KCNQ1: variants seen among roughly 807,000 people sequenced by gnomAD.
KCNQ1 encodes the protein potassium voltage-gated channel subfamily KQT member 1.
Under a neutral mutation model 72.4 loss-of-function variants are expected in KCNQ1, and 49 were observed. The ratio of observed to expected loss-of-function variants is 0.68; its 90% CI spans 0.54 to 0.86. KCNQ1 has a LOEUF of 0.86. Ranked by LOEUF, KCNQ1 falls within the 40% of genes least tolerant of loss-of-function variation. The pLI is 0.00. For synonymous variants in KCNQ1, 450 were observed against 412.6 expected (o/e 1.09, Z -1.10); for missense variants, 790 against 945.1 (o/e 0.84, Z 2.15).
At chr11:2,476,231 TC>T (rs1378363139) in intron 1 of KCNQ1, among the ~76,000 whole-genome samples, 2 of 152,192 alleles carry the variant, frequency 1.3e-5, no homozygotes, top group Admixed American at 1.3e-4. Flanking sequence ...TTCAAGACAT[TC>T]TAAAATTAAG....
chr11:2,655,854 A>G lies in KCNQ1; in HGVS notation c.1394-6107A>G, dbSNP rs1179535736. ...ACAATAACCTCTCCTCTTGAATTGG[A>G]AAAACAAATCTGTGGAGGCCTTCTC... is the stretch of plus-strand genomic sequence containing the variant. On this transcript the variant is annotated intron_variant, in intron 10 of 15. Transcript: ENST00000155840. 3.0e-5 allele frequency: 12 copies of G among 398,660 alleles called. No individual in the cohort carries two copies. In the East Asian group the frequency reaches 4.3e-4, roughly 14 times the overall value. 24.7% of individuals were successfully genotyped at this position (398,660 alleles called of 1,614,324 possible).
rs376549341 is a variant in KCNQ1, at chr11:2,602,874, A to G, written c.1393+14020A>G. 1.3e-5 allele frequency among the ~76,000 whole-genome samples: 2 copies of G among 152,210 alleles called. No individual in the cohort carries two copies. On this transcript the variant is annotated intron_variant, in intron 10 of 15. Transcript: ENST00000155840. This position sits in a 1 kb window ranked among gnomAD's most constrained non-coding sequence, Gnocchi z 4.8. ...TTTATTCATTGTAGCTTTCATTGTC[A>G]TCATCTCAACAGGGTACTTTACAGA... is the stretch of plus-strand genomic sequence containing the variant.
At chr11:2,688,068 G>A (rs1158336928) in intron 11 of KCNQ1, 2 of 398,838 alleles carry the variant, frequency 5.0e-6, no homozygotes, top group African/African-American at 4.1e-5. Context: ...TGGAGTTGGT[G>A]CTTCTAGGGC....
Position 2,767,629 on chromosome 11 carries a change from G to T in KCNQ1, c.1515-1215G>T, listed in dbSNP as rs1378415792. ...TTACTCCAGTAGGGGATTGAGAGAG[G>T]TGGGGTTAATGTGATGGAAAGTTGG... On this transcript the variant is annotated intron_variant, in intron 11 of 15. Transcript: ENST00000155840. The surrounding 1 kb of genome is among the most constrained non-coding windows in gnomAD (Gnocchi z 4.6). Among the ~76,000 whole-genome samples the T allele has an allele frequency of 2.6e-5, 4 of 152,340 alleles. No individual in the cohort carries two copies. The highest frequency in any genetic ancestry group is 3.4e-3 in the Middle Eastern group (1 of 294).
In KCNQ1 at chr11:2,488,419, G is replaced by A. The variant is rs1318365316; in HGVS notation, c.387-39509G>A. ...CCTCTTTAATTTTTTGGGAAAGATT[G>A]AGAAGGATGGGAGTTTATTCTTTAA... On this transcript the variant is annotated intron_variant, in intron 1 of 15. Transcript: ENST00000155840. This position sits in a 1 kb window ranked among gnomAD's most constrained non-coding sequence, Gnocchi z 5.1. Among the ~76,000 whole-genome samples, 1 of 152,172 alleles carries A rather than the reference G, an allele frequency of 6.6e-6. No individual in the cohort carries two copies. The highest frequency in any genetic ancestry group is 1.5e-5 in the Non-Finnish European group (1 of 68,008).
rs919851230 is a variant in KCNQ1, at chr11:2,451,770, C to G, written c.386+6286C>G. 6.6e-6 allele frequency among the ~76,000 whole-genome samples: 1 copy of G among 152,134 alleles called. No homozygotes were observed. The highest frequency in any genetic ancestry group is 2.4e-5 in the African/African-American group (1 of 41,420). ...GGGCTCTGCTCCCCATTTCGCTCCTCCACTCACAGATGAGGACATTTGGGT... is the reference window on the plus strand; with the variant it reads ...GGGCTCTGCTCCCCATTTCGCTCCTGCACTCACAGATGAGGACATTTGGGT... On this transcript the variant is annotated intron_variant, in intron 1 of 15. Transcript: ENST00000155840. The surrounding 1 kb of genome is among the most constrained non-coding windows in gnomAD (Gnocchi z 6.4).
At position 2,468,168 on chromosome 11, in the gene KCNQ1, C is replaced by G. The variant is rs1437796029; in HGVS notation, c.386+22684C>G. Among the ~76,000 whole-genome samples the G allele has an allele frequency of 6.6e-6, 1 of 152,334 alleles. No individual in the cohort carries two copies. Among genetic ancestry groups the G allele is most frequent in the South Asian group, 2.1e-4 (1 of 4,826 alleles). Reference sequence around the variant, plus strand: ...GAAGTTTATTTTTTATTTTTCGAGACAGGGTCTCCCTCTGTCACTTAGGCT... The same window carrying G: ...GAAGTTTATTTTTTATTTTTCGAGAGAGGGTCTCCCTCTGTCACTTAGGCT... On this transcript the variant is annotated intron_variant, in intron 1 of 15. Transcript: ENST00000155840. The surrounding 1 kb of genome is among the most constrained non-coding windows in gnomAD (Gnocchi z 5.7).
rs7928116 is a variant in KCNQ1 at position 2,491,095 on chromosome 11, C to T, written c.387-36833C>T. 0.22 allele frequency among the ~76,000 whole-genome samples: 32,908 copies of T among 152,096 alleles called. 4,447 individuals are homozygous for T. The highest frequency in any genetic ancestry group is 0.38 in the African/African-American group (15,845 of 41,454). ...TGCAGATACGGCTTAGATCACAACACCCAAGTCCCTTTGAATACCTGGAAA... is the reference window on the plus strand; with the variant it reads ...TGCAGATACGGCTTAGATCACAACATCCAAGTCCCTTTGAATACCTGGAAA... On this transcript the variant is annotated intron_variant, in intron 1 of 15. Coordinates refer to ENST00000155840, the MANE Select transcript of KCNQ1 (RefSeq NM_000218.3). The surrounding 1 kb of genome is among the most constrained non-coding windows in gnomAD (Gnocchi z 4.1).
At chr11:2,845,524 C>A (rs564300614) in intron 15 of KCNQ1, among the ~76,000 whole-genome samples, 207 of 152,322 alleles carry the variant, frequency 1.4e-3, no homozygotes, top group Middle Eastern at 3.4e-3. Context: ...CCACAGAAGT[C>A]CTGCACCCCT....
rs60011808 is a variant in KCNQ1, at chr11:2,763,402, G to GAA, written c.1515-5430_1515-5429dup. 5.3e-3 allele frequency among the ~76,000 whole-genome samples: 748 copies of GAA among 141,232 alleles called. 1 individual carries two copies. Among genetic ancestry groups the GAA allele is most frequent in the Admixed American group, 0.015 (219 of 14,244 alleles). The allele number at this position is 141,232 out of a possible 152,430, so 92.7% of individuals were successfully genotyped here. A position where few individuals can be genotyped will look rare whatever the true frequency, so the allele number is the denominator to read the frequency against. On this transcript the variant is annotated intron_variant, in intron 11 of 15. Transcript: ENST00000155840. ...AAAATAACAAGACCCCATCTTAGAA[G>GAA]AAAAAAAAAAAAATAAGAAAGAAAG...
At chr11:2,718,099 C>T (rs376398434) in intron 11 of KCNQ1, among the ~76,000 whole-genome samples, 1 of 151,198 alleles carries the variant, frequency 6.6e-6, no homozygotes, top group Non-Finnish European at 1.5e-5. Context: ...CGGGTTGACA[C>T]CCGCGTGCCC....
At chr11:2,461,375 C>G (rs1002575825) in intron 1 of KCNQ1, 72 of 1,222,136 alleles carry the variant, frequency 5.9e-5, no homozygotes, top group Non-Finnish European at 7.2e-5. Context: ...GGGAAGGGAA[C>G]CTTGAGTGTG....
rs1848999388 is a variant in KCNQ1 at position 2,612,612 on chromosome 11, G to T, written c.1393+23758G>T. The T allele has an allele frequency of 5.0e-6, 2 of 398,252 alleles. No homozygotes were observed. The highest frequency in any genetic ancestry group is 8.8e-5 in the Admixed American group (2 of 22,696). 24.7% of individuals were successfully genotyped at this position (398,252 alleles called of 1,614,324 possible). ...GGTTTCTAATTTCTATCTCTATATT[G>T]ATATTATCTATTTGATGAGTCTTTG... On this transcript the variant is annotated intron_variant, in intron 10 of 15. Coordinates refer to ENST00000155840, the MANE Select transcript of KCNQ1 (RefSeq NM_000218.3). This position sits in a 1 kb window ranked among gnomAD's most constrained non-coding sequence, Gnocchi z 5.5.
chr11:2,838,240 C>CG (rs1848122263), intron 15 of KCNQ1, among the ~76,000 whole-genome samples: 1 of 152,304 alleles, frequency 6.6e-6, no homozygotes, highest in South Asian at 2.1e-4. Flanking sequence ...CTGGCAGGGT[C>CG]GGGGGACAGG....
Position 2,621,676 on chromosome 11 carries a change from G to A in KCNQ1, c.1393+32822G>A, listed in dbSNP as rs1279098811. On this transcript the variant is annotated intron_variant, in intron 10 of 15. Transcript: ENST00000155840. The surrounding 1 kb of genome is among the most constrained non-coding windows in gnomAD (Gnocchi z 5.7). ...TTATCCAATTTGTTGGGATATAATTGTTCATAAAAGTCCCTTATGATCCTT... is the reference window on the plus strand; with the variant it reads ...TTATCCAATTTGTTGGGATATAATTATTCATAAAAGTCCCTTATGATCCTT... The A allele has an allele frequency of 2.5e-6, 1 of 398,310 alleles. No homozygotes were observed. The highest frequency in any genetic ancestry group is 4.4e-6 in the Non-Finnish European group (1 of 225,978). The allele number at this position is 398,310 out of a possible 1,614,324, so 24.7% of individuals were successfully genotyped here.
chr11:2,473,912 G>A lies in KCNQ1; in HGVS notation c.386+28428G>A, dbSNP rs1413944838. 6.6e-6 allele frequency among the ~76,000 whole-genome samples: 1 copy of A among 152,240 alleles called. No individual in the cohort carries two copies. The highest frequency in any genetic ancestry group is 2.4e-5 in the African/African-American group (1 of 41,472). On this transcript the variant is annotated intron_variant, in intron 1 of 15. Coordinates refer to ENST00000155840, the MANE Select transcript of KCNQ1 (RefSeq NM_000218.3). This position sits in a 1 kb window ranked among gnomAD's most constrained non-coding sequence, Gnocchi z 6.0. ...TGGGAGAGCCCTGCCTCCCGGAACG[G>A]ACATCCTCCTTCACCAAATCCGCAA...
chr11:2,669,820 C>A lies in KCNQ1; in HGVS notation c.1514+7739C>A. The A allele has an allele frequency of 2.5e-6, 1 of 398,604 alleles. No individual in the cohort carries two copies. The allele number at this position is 398,604 out of a possible 1,614,324, so 24.7% of individuals were successfully genotyped here. On this transcript the variant is annotated intron_variant, in intron 11 of 15. Transcript: ENST00000155840. This position sits in a 1 kb window ranked among gnomAD's most constrained non-coding sequence, Gnocchi z 5.6. Reference sequence around the variant, plus strand: ...TTTGGCCTGAGAGCTTTTGAGACTGCCAGGTCATGAGTTACCATGGGATAC... The same window carrying A: ...TTTGGCCTGAGAGCTTTTGAGACTGACAGGTCATGAGTTACCATGGGATAC...
Position 2,658,961 on chromosome 11 carries a change from TAACCATAGA to T in KCNQ1, c.1394-2999_1394-2991del. 7.5e-6 allele frequency: 3 copies of T among 398,598 alleles called. No individual in the cohort carries two copies. The highest frequency in any genetic ancestry group is 1.3e-5 in the Non-Finnish European group (3 of 226,040). The allele number at this position is 398,598 out of a possible 1,614,324, so 24.7% of individuals were successfully genotyped here. Reference sequence around the variant, plus strand: ...GAGTGTTTAGGACAGACTTTTGCTTTAACCATAGAGTGTCCAGTCAAAACAGTGTTTTTG... The same window carrying T: ...GAGTGTTTAGGACAGACTTTTGCTTTGTGTCCAGTCAAAACAGTGTTTTTG... On this transcript the variant is annotated intron_variant, in intron 10 of 15. Coordinates refer to ENST00000155840, the MANE Select transcript of KCNQ1 (RefSeq NM_000218.3). The surrounding 1 kb of genome is among the most constrained non-coding windows in gnomAD (Gnocchi z 4.9).
rs1847967082 is a variant in KCNQ1 at position 2,550,463 on chromosome 11, G to T, written c.478-20165G>T. On this transcript the variant is annotated intron_variant, in intron 2 of 15. Coordinates refer to ENST00000155840, the MANE Select transcript of KCNQ1 (RefSeq NM_000218.3). This position sits in a 1 kb window ranked among gnomAD's most constrained non-coding sequence, Gnocchi z 6.0. ...AGACACCCATGTTCCTCCCTAGGCAGCTCCATGCGCGGGCCCCGGAGCTGG... is the reference window on the plus strand; with the variant it reads ...AGACACCCATGTTCCTCCCTAGGCATCTCCATGCGCGGGCCCCGGAGCTGG... Among the ~76,000 whole-genome samples, 2 of 152,222 alleles carry T rather than the reference G, an allele frequency of 1.3e-5. No homozygotes were observed. The highest frequency in any genetic ancestry group is 2.9e-5 in the Non-Finnish European group (2 of 68,034).
Sources: allele counts gnomAD v4.1 joint callset (sites outside exome capture counted in the v4.1 genomes callset), GRCh38; gene constraint gnomAD v4.1.1; non-coding constraint Gnocchi (gnomAD v3.1); transcripts MANE v1.5; gene names NCBI Gene and HGNC (gene_info 2026-07-23, HGNC 2026-07-21).